Variants in ZNF331 observed in about 807,000 individuals in gnomAD.
The protein encoded by ZNF331 is zinc finger protein 331.
ZNF331 carries 2 observed loss-of-function variants against 7.0 expected under a neutral mutation model. The ratio of observed to expected loss-of-function variants is 0.29; its 90% CI spans 0.12 to 0.90. ZNF331 has a LOEUF of 0.90. Among genes scored for constraint, ZNF331 ranks in the 40% least tolerant of loss-of-function variants. The pLI is 0.58. For missense variants in ZNF331, 432 were observed against 587.7 expected (o/e 0.74, Z 2.74); for synonymous variants, 196 against 205.4 (o/e 0.95, Z 0.39).
chr19:53,559,938 CAT>C (rs2147527010), intron 3 of ZNF331, among the ~76,000 whole-genome samples: 1 of 148,616 alleles, frequency 6.7e-6, no homozygotes, highest in African/African-American at 2.5e-5. Context: ...TACACACATA[CAT>C]ACACACCACA....
intron 2 of ZNF331, among the ~76,000 whole-genome samples, chr19:53,550,623 G>T (rs1173974551): frequency 3.3e-5 from 4 of 120,906 alleles, no homozygotes; most frequent in African/African-American, 1.3e-4. Context: ...TGCAACTTCC[G>T]CCTCCCAAGT....
intron 2 of ZNF331, among the ~76,000 whole-genome samples, chr19:53,528,342 A>C (rs958650614): frequency 2.7e-5 from 4 of 149,454 alleles, no homozygotes; most frequent in Non-Finnish European, 6.0e-5. Flanking sequence ...TTAGCATAAG[A>C]AAACAGCAGC....
At chr19:53,504,853 C>T in the ZNF331 span, among the ~76,000 whole-genome samples, 2 of 152,092 alleles carry the variant, frequency 1.3e-5, no homozygotes, top group African/African-American at 4.8e-5. Context: ...GTGTGGTTAG[C>T]GGACAGAAAA....
the ZNF331 span, chr19:53,512,718 TG>T: frequency 6.7e-5 from 10 of 149,928 alleles, no homozygotes; most frequent in African/African-American, 2.4e-4. Flanking sequence ...TGAGGGCGCA[TG>T]ACCACCTGAG....
chr19:53,513,025 G>A, the ZNF331 span, among the ~76,000 whole-genome samples: 1 of 151,758 alleles, frequency 6.6e-6, no homozygotes, highest in Non-Finnish European at 1.5e-5. Flanking sequence ...ACCATGCTCC[G>A]GAGTCTCAGC....
chr19:53,572,290 A>G (rs1263782777), intron 5 of ZNF331, among the ~76,000 whole-genome samples: 1 of 152,094 alleles, frequency 6.6e-6, no homozygotes, highest in African/African-American at 2.4e-5. Context: ...TCTTGCAAAC[A>G]TCCCTGGAAA....
chr19:53,552,846 G>A (rs1351130576), intron 2 of ZNF331, among the ~76,000 whole-genome samples: 4 of 152,024 alleles, frequency 2.6e-5, no homozygotes, highest in Non-Finnish European at 5.9e-5. Context: ...ACATATTGCC[G>A]TATGTATTAG....
At chr19:53,523,220 ATATTTTTTTTT>A (rs1232863809) in intron 2 of ZNF331, 1 of 151,508 alleles carries the variant, frequency 6.6e-6, no homozygotes, top group Non-Finnish European at 1.5e-5. Flanking sequence ...CAAATATACT[ATATTTTTTTTT>A]TATTTTTTTT....
the ZNF331 span, among the ~76,000 whole-genome samples, chr19:53,514,140 G>T: frequency 6.6e-6 from 1 of 152,042 alleles, no homozygotes; most frequent in African/African-American, 2.4e-5. Flanking sequence ...CCAGGTTATT[G>T]TGGTTTTTGC....
At chr19:53,534,461 T>C (rs993370358), upstream of ZNF331, among the ~76,000 whole-genome samples, 4 of 152,124 alleles carry the variant, frequency 2.6e-5, no homozygotes, top group Non-Finnish European at 5.9e-5. Context: ...CTAATTTTTG[T>C]ATTTTTTTAG....
chr19:53,548,942 G>A (rs1022081563), intron 2 of ZNF331, among the ~76,000 whole-genome samples: 10 of 151,558 alleles, frequency 6.6e-5, no homozygotes, highest in Admixed American at 5.3e-4. Flanking sequence ...CCACCTCCCA[G>A]GTTCAAGTGA....
intron 4 of ZNF331, among the ~76,000 whole-genome samples, chr19:53,570,720 C>T (rs914003696): frequency 2.0e-5 from 3 of 151,600 alleles, no homozygotes; most frequent in Non-Finnish European, 4.4e-5. Flanking sequence ...TAAGTAGAGA[C>T]GAGGTTTCTG....
Position 53,560,068 on chromosome 19 carries a change from A to ACACC in ZNF331, c.-74+4160_-74+4161insCACC, listed in dbSNP as rs1199924940. 6.6e-6 allele frequency among the ~76,000 whole-genome samples: 1 copy of ACACC among 151,312 alleles called. No individual in the cohort carries two copies. Among genetic ancestry groups the ACACC allele is most frequent in the African/African-American group, 2.4e-5 (1 of 41,086 alleles). On this transcript the variant is annotated intron_variant, in intron 3 of 5. Transcript: ENST00000449416. The surrounding 1 kb of genome is among the most constrained non-coding windows in gnomAD (Gnocchi z 4.3). The stretch of plus-strand genomic sequence containing the variant: ...TATACATATACACACCTACATATAC[A>ACACC]TACCATACACACACATATATACACA...
At chr19:53,512,915 C>T in the ZNF331 span, among the ~76,000 whole-genome samples, 3,976 of 130,540 alleles carry the variant, frequency 0.03, 175 homozygotes, top group African/African-American at 0.043. Context: ...TGCCTTCCAC[C>T]AAACCAGTCC....
upstream of ZNF331, among the ~76,000 whole-genome samples, chr19:53,518,068 GGATGGAGAGAGGAA>G (rs2086946159): frequency 6.6e-6 from 1 of 152,306 alleles, no homozygotes; most frequent in East Asian, 1.9e-4. Context: ...TTGAGTCAGT[GGATGGAGAGAGGAA>G]GACCCACCCT....
chr19:53,572,340 A>G (rs2147667581), intron 5 of ZNF331, among the ~76,000 whole-genome samples: 1 of 152,086 alleles, frequency 6.6e-6, no homozygotes, highest in Admixed American at 6.6e-5. Flanking sequence ...AATGATATTA[A>G]TGGCTAAGCT....
upstream of ZNF331, among the ~76,000 whole-genome samples, chr19:53,534,911 T>C (rs73935651): frequency 0.024 from 3,650 of 151,862 alleles, 159 homozygotes; most frequent in African/African-American, 0.083. Flanking sequence ...AGCTAGAATG[T>C]ACCCACTCCC....
intron 3 of ZNF331, among the ~76,000 whole-genome samples, chr19:53,559,029 GAC>G (rs1363844941): frequency 1.4e-5 from 2 of 147,956 alleles, no homozygotes; most frequent in Admixed American, 6.7e-5. Context: ...TACATATAGA[GAC>G]ACATATATAC....
chr19:53,553,084 C>T (rs774416145), intron 2 of ZNF331, among the ~76,000 whole-genome samples: 50 of 151,844 alleles, frequency 3.3e-4, no homozygotes, highest in Non-Finnish European at 6.5e-4. Flanking sequence ...TTAATGATAC[C>T]GTCTTTCAAT....
Sources: gnomAD v4.1 joint callset for allele counts (sites outside exome capture counted in the v4.1 genomes callset) on GRCh38, gnomAD v4.1.1 for gene constraint, Gnocchi (gnomAD v3.1) non-coding constraint, MANE v1.5 for transcripts, NCBI Gene and HGNC (gene_info 2026-07-23, HGNC 2026-07-21) for gene names.